RAB38: variants seen among roughly 807,000 people sequenced by gnomAD.
RAB38 encodes the protein ras-related protein Rab-38.
In RAB38, 15 loss-of-function variants were observed where a neutral mutation model predicts 18.4. The ratio of observed to expected loss-of-function variants is 0.82; its 90% CI spans 0.55 to 1.26. The LOEUF (loss-of-function observed/expected upper bound fraction) is 1.26, where lower values mean the gene tolerates loss of function less well. Among genes scored for constraint, RAB38 ranks in the 50% most tolerant of loss-of-function variants. The probability of loss-of-function intolerance (pLI) is 0.00; values close to 1 mark genes in which losing one functional copy is unlikely to be tolerated. For missense variants in RAB38, 294 were observed against 267.4 expected, an observed-to-expected ratio of 1.10 and a Z score of -0.69; for synonymous variants, 101 against 104.4, an observed-to-expected ratio of 0.97 and a Z score of 0.20.
At chr11:87,965,361 C>T in the RAB38 span, among the ~76,000 whole-genome samples, 1 of 152,022 alleles carries the variant, frequency 6.6e-6, no homozygotes, top group Non-Finnish European at 1.5e-5. Context: ...GATAATTCTC[C>T]ACTCTGGAGA....
At chr11:87,877,989 C>T in the RAB38 span, among the ~76,000 whole-genome samples, 1 of 150,974 alleles carries the variant, frequency 6.6e-6, no homozygotes, top group African/African-American at 2.4e-5. Flanking sequence ...ATCCTTGTAA[C>T]ATGAAGCAAA....
intron 2 of RAB38, 34 bp downstream of exon 2, chr11:88,149,641 C>A: frequency 6.4e-7 from 1 of 1,569,696 alleles, no homozygotes; most frequent in South Asian, 1.2e-5. Flanking sequence ...GTGAACCTTG[C>A]TTATATTAAG....
At chr11:88,162,402 G>A (rs948610909) in intron 1 of RAB38, among the ~76,000 whole-genome samples, 2 of 152,024 alleles carry the variant, frequency 1.3e-5, no homozygotes, top group African/African-American at 4.8e-5. Context: ...TATATAGTAA[G>A]CATTCAATAT....
At chr11:87,866,041 TC>T in the RAB38 span, among the ~76,000 whole-genome samples, 1 of 151,686 alleles carries the variant, frequency 6.6e-6, no homozygotes, top group African/African-American at 2.4e-5. Flanking sequence ...ATTCGGAGTC[TC>T]AGAAAGTATG....
the RAB38 span, among the ~76,000 whole-genome samples, chr11:88,065,385 C>A: frequency 2.0e-5 from 3 of 152,140 alleles, no homozygotes; most frequent in African/African-American, 7.2e-5. Flanking sequence ...ATTTGCAATG[C>A]CCCAAGATGC....
At chr11:87,941,040 G>A in the RAB38 span, among the ~76,000 whole-genome samples, 1 of 151,438 alleles carries the variant, frequency 6.6e-6, no homozygotes, top group Non-Finnish European at 1.5e-5. Context: ...CTGTCACTGT[G>A]ATAGCTGTCA....
At chr11:88,097,765 G>A in the RAB38 span, 1 of 151,870 alleles carries the variant, frequency 6.6e-6, no homozygotes, top group Non-Finnish European at 1.5e-5. Flanking sequence ...ATCTAGAAAA[G>A]GACAGGATAG....
chr11:87,826,036 A>G, the RAB38 span, among the ~76,000 whole-genome samples: 1 of 152,140 alleles, frequency 6.6e-6, no homozygotes, highest in Non-Finnish European at 1.5e-5. Flanking sequence ...GAAATTGGGT[A>G]GTAGTGCAAG....
intron 2 of RAB38, among the ~76,000 whole-genome samples, chr11:88,135,945 G>A (rs1212074214): frequency 6.6e-6 from 1 of 152,128 alleles, no homozygotes; most frequent in Non-Finnish European, 1.5e-5. Flanking sequence ...CAAAGTGACT[G>A]GGAATTATGA....
At chr11:88,028,320 G>A in the RAB38 span, among the ~76,000 whole-genome samples, 286 of 152,266 alleles carry the variant, frequency 1.9e-3, 2 homozygotes, top group African/African-American at 2.7e-3. Flanking sequence ...AAAGCAGAGC[G>A]CCTCTCCTCC....
At chr11:88,086,482 A>G in the RAB38 span, among the ~76,000 whole-genome samples, 2 of 151,892 alleles carry the variant, frequency 1.3e-5, no homozygotes, top group Admixed American at 6.6e-5. Context: ...AAGTTTGACA[A>G]TTGTTTCCTA....
chr11:88,116,120 T>C (rs1591152361), intron 2 of RAB38, among the ~76,000 whole-genome samples: 2 of 152,176 alleles, frequency 1.3e-5, no homozygotes, highest in East Asian at 3.9e-4. Context: ...ACACCTGAAC[T>C]CCCTGCTCCC....
chr11:87,827,792 G>C, the RAB38 span, among the ~76,000 whole-genome samples: 1 of 152,160 alleles, frequency 6.6e-6, no homozygotes. Flanking sequence ...TTCTCAAACA[G>C]AGATTCTGGC....
the RAB38 span, among the ~76,000 whole-genome samples, chr11:88,108,120 T>C: frequency 6.6e-6 from 1 of 152,214 alleles, no homozygotes; most frequent in Non-Finnish European, 1.5e-5. Flanking sequence ...GAGAGTTCTC[T>C]AGATGTCTAT....
the RAB38 span, among the ~76,000 whole-genome samples, chr11:87,912,766 C>CTTTTTTT: frequency 6.1e-5 from 7 of 114,540 alleles, no homozygotes; most frequent in East Asian, 2.6e-4. Flanking sequence ...TTCTTTCTTT[C>CTTTTTTT]TTTTTTTTTT....
chr11:88,011,136 C>CCGCATATA, the RAB38 span, among the ~76,000 whole-genome samples: 2 of 152,164 alleles, frequency 1.3e-5, no homozygotes, highest in Admixed American at 1.3e-4. Flanking sequence ...TTCTGTTTCT[C>CCGCATATA]CGCATATATT....
chr11:88,018,108 T>C, the RAB38 span, among the ~76,000 whole-genome samples: 165 of 152,246 alleles, frequency 1.1e-3, 4 homozygotes, highest in East Asian at 0.02. Flanking sequence ...GTAAATTGCC[T>C]AGTCTTCGGT....
chr11:88,035,527 G>A, the RAB38 span, among the ~76,000 whole-genome samples: 1 of 152,144 alleles, frequency 6.6e-6, no homozygotes, highest in African/African-American at 2.4e-5. Context: ...CAGCTGAAGA[G>A]CAAGGAAGCC....
chr11:87,873,922 G>GTGTATGTATATATA, the RAB38 span, among the ~76,000 whole-genome samples: 2 of 103,122 alleles, frequency 1.9e-5, no homozygotes, highest in African/African-American at 7.6e-5. Context: ...GTGTGTGTGT[G>GTGTATGTATATATA]TATATATATA....
Sources: allele counts gnomAD v4.1 joint callset (sites outside exome capture counted in the v4.1 genomes callset), GRCh38; gene constraint gnomAD v4.1.1; transcripts MANE v1.5; gene names NCBI Gene and HGNC (gene_info 2026-07-23, HGNC 2026-07-21).